The following ST6GAL2 variants were observed in gnomAD, a reference collection of about 807,000 sequenced individuals.
ST6GAL2 encodes the protein beta-galactoside alpha-2,6-sialyltransferase 2.
A neutral mutation model predicts 37.5 loss-of-function variants in ST6GAL2; 24 were observed. That is an observed-to-expected ratio of 0.64 (90% CI 0.46 to 0.90). ST6GAL2 has a LOEUF of 0.90. Among genes scored for constraint, ST6GAL2 ranks in the 40% least tolerant of loss-of-function variants. The pLI, the probability that ST6GAL2 is intolerant of heterozygous loss-of-function variation, is 0.00. For missense variants in ST6GAL2, 715 were observed against 712.7 expected (o/e 1.00, Z -0.04); for synonymous variants, 306 against 295.1 (o/e 1.04, Z -0.38).
intron 2 of ST6GAL2, among the ~76,000 whole-genome samples, chr2:106,835,273 TG>T (rs1373267056): frequency 1.3e-5 from 2 of 152,170 alleles, no homozygotes; most frequent in Non-Finnish European, 2.9e-5. Context: ...ATTTCTGTCA[TG>T]CCCAAGGGGA....
chr2:106,832,213 C>T (rs1018593040), intron 4 of ST6GAL2, among the ~76,000 whole-genome samples: 2 of 152,172 alleles, frequency 1.3e-5, no homozygotes, highest in African/African-American at 4.8e-5. Context: ...AAAAGGTCTT[C>T]CAACTACTTG....
intron 1 of ST6GAL2, among the ~76,000 whole-genome samples, chr2:106,855,671 A>G (rs140282751): frequency 6.6e-6 from 1 of 152,338 alleles, no homozygotes; most frequent in African/African-American, 2.4e-5. Flanking sequence ...TTATTATATT[A>G]GTTTTTCTAT....
At position 106,801,883 on chromosome 2, in the gene ST6GAL2, G is replaced by T. The variant is rs1196524414; in HGVS notation, c.*4795C>A. On this transcript the variant is annotated 3_prime_UTR_variant, in exon 6 of 6. Coordinates refer to ENST00000409382, the MANE Select transcript of ST6GAL2 (RefSeq NM_001142351.2). ...TTTCATCTAGAATAAAACAGGATTT[G>T]TTATAAATGTTAGATTTTAACACCA... 6.6e-6 allele frequency: 1 copy of T among 152,068 alleles called. No homozygotes were observed. The highest frequency in any genetic ancestry group is 2.4e-5 in the African/African-American group (1 of 41,444). 9.4% of individuals were successfully genotyped at this position (152,068 alleles called of 1,614,324 possible). A position where few individuals can be genotyped will look rare whatever the true frequency, so the allele number is the denominator to read the frequency against.
chr2:106,813,207 C>A (rs560251866), intron 5 of ST6GAL2: 2 of 1,369,466 alleles, frequency 1.5e-6, no homozygotes, highest in South Asian at 3.8e-5. Flanking sequence ...CTGATATGGC[C>A]AATTTTTACA....
chr2:106,832,759 A>C, intron 3 of ST6GAL2, 93 bp from the exon 4 acceptor site: 1 of 811,572 alleles, frequency 1.2e-6, no homozygotes, highest in Non-Finnish European at 2.2e-6. Flanking sequence ...GAACTGGGGC[A>C]AAAAAACAGG....
In ST6GAL2 at chr2:106,806,757, T is replaced by G; in HGVS notation, c.1511A>C (p.His504Pro). 1.2e-6 allele frequency: 2 copies of G among 1,614,196 alleles called. No individual in the cohort carries two copies. The highest frequency in any genetic ancestry group is 1.7e-6 in the Non-Finnish European group (2 of 1,180,036). ...RLNMGTQGDL[H>P]RKGKVVLPGF... ...GGGAAGAACCACCTTGCCCTTGCGA[T>G]GCAAATCCCCCTGCGTGCCCATGTT... Residue 504 changes from histidine to proline, a missense_variant, in exon 6 of 6, where the codon CAT becomes CCT. Physicochemically the swap from His to Pro is moderately conservative, Grantham distance 77. Coordinates refer to ENST00000409382, the MANE Select transcript of ST6GAL2 (RefSeq NM_001142351.2).
chr2:106,810,182 C>T (rs1350269006), intron 5 of ST6GAL2, among the ~76,000 whole-genome samples: 4 of 152,114 alleles, frequency 2.6e-5, no homozygotes, highest in East Asian at 1.9e-4. Flanking sequence ...GCTAGTTAAC[C>T]GTTAAATCGT....
intron 4 of ST6GAL2, among the ~76,000 whole-genome samples, chr2:106,830,695 G>T (rs1361025841): frequency 6.6e-6 from 1 of 152,140 alleles, no homozygotes; most frequent in Admixed American, 6.5e-5. Flanking sequence ...GGTGTAGTTT[G>T]TTGACCCCTG....
At chr2:106,882,886 G>C (rs1573334024) in intron 1 of ST6GAL2, among the ~76,000 whole-genome samples, 1 of 152,232 alleles carries the variant, frequency 6.6e-6, no homozygotes, top group East Asian at 1.9e-4. Context: ...CGTCCAGATA[G>C]AAGTCCTCCG....
chr2:106,835,982 C>T (rs1258597685), intron 2 of ST6GAL2, among the ~76,000 whole-genome samples: 1 of 152,024 alleles, frequency 6.6e-6, no homozygotes, highest in African/African-American at 2.4e-5. Context: ...ACTAGATTAC[C>T]CAAAACAGTA....
At position 106,804,757 on chromosome 2, in the gene ST6GAL2, G is replaced by C. The variant is rs1232452517; in HGVS notation, c.*1921C>G. Reference sequence around the variant, plus strand: ...CTCAGGAGGCTGAGGCAGGAGAATGGTGTGAACGTGGGAGGCAGAGCTGGC... The same window carrying C: ...CTCAGGAGGCTGAGGCAGGAGAATGCTGTGAACGTGGGAGGCAGAGCTGGC... On this transcript the variant is annotated 3_prime_UTR_variant, in exon 6 of 6. Transcript: ENST00000409382. 6.6e-6 allele frequency: 1 copy of C among 150,476 alleles called. No homozygotes were observed. The highest frequency in any genetic ancestry group is 6.6e-5 in the Admixed American group (1 of 15,058). 9.3% of individuals were successfully genotyped at this position (150,476 alleles called of 1,614,324 possible). A position where few individuals can be genotyped will look rare whatever the true frequency, so the allele number is the denominator to read the frequency against.
At position 106,803,619 on chromosome 2, in the gene ST6GAL2, A is replaced by G. The variant is rs878865181; in HGVS notation, c.*3059T>C. 0.099 allele frequency: 9,964 copies of G among 100,614 alleles called. 345 individuals are homozygous for G. The highest frequency in any genetic ancestry group is 0.2 in the Middle Eastern group (36 of 182). 6.2% of individuals were successfully genotyped at this position (100,614 alleles called of 1,614,324 possible). On this transcript the variant is annotated 3_prime_UTR_variant, in exon 6 of 6. Coordinates refer to ENST00000409382, the MANE Select transcript of ST6GAL2 (RefSeq NM_001142351.2). ...TCAAAATTTGTTTCTTTGTAACAAC[A>G]ACAACAACAACAACAACAACAACAA...
chr2:106,806,557 C>A lies in ST6GAL2; in HGVS notation c.*121G>T. 9.3e-7 allele frequency: 1 copy of A among 1,073,194 alleles called. No individual in the cohort carries two copies. The highest frequency in any genetic ancestry group is 1.4e-6 in the Non-Finnish European group (1 of 737,582). 66.5% of individuals were successfully genotyped at this position (1,073,194 alleles called of 1,614,324 possible). Reference sequence around the variant, plus strand: ...GAAAGAGAAGGATTATCATGACCACCACTAAATTACTGTTTAAAGACTCAA... The same window carrying A: ...GAAAGAGAAGGATTATCATGACCACAACTAAATTACTGTTTAAAGACTCAA... On this transcript the variant is annotated 3_prime_UTR_variant, in exon 6 of 6. Coordinates refer to ENST00000409382, the MANE Select transcript of ST6GAL2 (RefSeq NM_001142351.2).
At chr2:106,886,852 T>C (rs2104683045), upstream of ST6GAL2, 1 of 152,092 alleles carries the variant, frequency 6.6e-6, no homozygotes, top group Admixed American at 6.5e-5. Context: ...GGATTTCTGC[T>C]TGTCGCGGAG....
intron 5 of ST6GAL2, among the ~76,000 whole-genome samples, chr2:106,819,947 C>A (rs982385998): frequency 6.6e-6 from 1 of 151,720 alleles, no homozygotes; most frequent in African/African-American, 2.4e-5. Flanking sequence ...CTCATGGTAA[C>A]CTCAAATTGA....
rs1424225869 is a variant in ST6GAL2, at chr2:106,803,675, A to G, written c.*3003T>C. 1 of 152,202 alleles carries G rather than the reference A, an allele frequency of 6.6e-6. No homozygotes were observed. Among genetic ancestry groups the G allele is most frequent in the African/African-American group, 2.4e-5 (1 of 41,448 alleles). The allele number at this position is 152,202 out of a possible 1,614,324, so 9.4% of individuals were successfully genotyped here. A position where few individuals can be genotyped will look rare whatever the true frequency, so the allele number is the denominator to read the frequency against. ...ACAACAACAGGTGAAATTATCTTGAAATACAAAAGAACGTCTGTTGGTCCT... is the reference window on the plus strand; with the variant it reads ...ACAACAACAGGTGAAATTATCTTGAGATACAAAAGAACGTCTGTTGGTCCT... On this transcript the variant is annotated 3_prime_UTR_variant, in exon 6 of 6. Transcript: ENST00000409382.
chr2:106,803,204 A>C lies in ST6GAL2; in HGVS notation c.*3474T>G, dbSNP rs2104400051. 1 of 152,300 alleles carries C rather than the reference A, an allele frequency of 6.6e-6. No individual in the cohort carries two copies. The highest frequency in any genetic ancestry group is 6.5e-5 in the Admixed American group (1 of 15,292). The allele number at this position is 152,300 out of a possible 1,614,324, so 9.4% of individuals were successfully genotyped here. On this transcript the variant is annotated 3_prime_UTR_variant, in exon 6 of 6. Transcript: ENST00000409382. ...TTTTGCAGATGCTATGGCTACAATG[A>C]CTGAGGACTACTGGAGAGTCCAGGA...
At chr2:106,809,994 G>A (rs1237170355) in intron 5 of ST6GAL2, among the ~76,000 whole-genome samples, 3 of 152,114 alleles carry the variant, frequency 2.0e-5, no homozygotes, top group Admixed American at 6.5e-5. Flanking sequence ...GAATCCCTAA[G>A]TTCTCTCATA....
intron 1 of ST6GAL2, among the ~76,000 whole-genome samples, chr2:106,884,661 T>C (rs1278829178): frequency 6.6e-6 from 1 of 152,102 alleles, no homozygotes; most frequent in Non-Finnish European, 1.5e-5. Context: ...CCTTTTTAAC[T>C]TTGCAGTAAA....
Sources: allele counts gnomAD v4.1 joint callset (sites outside exome capture counted in the v4.1 genomes callset), GRCh38; gene constraint gnomAD v4.1.1; transcripts MANE v1.5; gene names NCBI Gene and HGNC (gene_info 2026-07-23, HGNC 2026-07-21).